PCDHGA7: variants seen among roughly 807,000 people sequenced by gnomAD.
The protein encoded by PCDHGA7 is protocadherin gamma-A7.
PCDHGA7 carries 44 observed loss-of-function variants against 58.3 expected under a neutral mutation model. The observed-to-expected ratio is 0.75, with a 90% CI of 0.59 to 0.97. PCDHGA7 has a LOEUF of 0.97. Among genes scored for constraint, PCDHGA7 ranks in the 50% least tolerant of loss-of-function variants. The pLI, the probability that PCDHGA7 is intolerant of heterozygous loss-of-function variation, is 0.00. For missense variants in PCDHGA7, 1,266 were observed against 1,188.7 expected (o/e 1.06, Z -0.96); for synonymous variants, 516 against 504.2 (o/e 1.02, Z -0.31).
rs751833387 is a variant in PCDHGA7 at position 141,385,224 on chromosome 5, T to G, written c.2325T>G (p.Tyr775Ter). 2 of 1,614,206 alleles carry G rather than the reference T, an allele frequency of 1.2e-6. No homozygotes were observed. Among genetic ancestry groups the G allele is most frequent in the Non-Finnish European group, 1.7e-6 (2 of 1,180,038 alleles). ...ACCTGATCTTCCCCCAGCCCAACTA[T>G]GTAGACATGCTCATCAGCCAGGAGA... ...KSHLIFPQPN[Y>*]VDMLISQESC... is the part of the protein sequence containing the mutation. The change falls in exon 1 of 4, where the codon TAT becomes TAG. Residue 775 changes from tyrosine to a stop codon, truncating the protein, a stop_gained. Coordinates refer to ENST00000518325, the MANE Select transcript of PCDHGA7 (RefSeq NM_018920.4). LOFTEE classifies it high-confidence loss of function.
rs200686404 is a variant in PCDHGA7 at position 141,477,185 on chromosome 5, G to A, written c.2425-17622G>A. On this transcript the variant is annotated intron_variant, in intron 1 of 3. Transcript: ENST00000518325. The surrounding 1 kb of genome is among the most constrained non-coding windows in gnomAD (Gnocchi z 4.9). ...CGCCCCGGAGATCACAGTCACCTCCGTGTACAGCCCAGTACCCGAGGATGC... is the reference window on the plus strand; with the variant it reads ...CGCCCCGGAGATCACAGTCACCTCCATGTACAGCCCAGTACCCGAGGATGC... 1.2e-6 allele frequency: 2 copies of A among 1,614,210 alleles called. No individual in the cohort carries two copies. Among genetic ancestry groups the A allele is most frequent in the South Asian group, 1.1e-5 (1 of 91,084 alleles).
chr5:141,450,092 C>T (rs761677942), intron 1 of PCDHGA7, among the ~76,000 whole-genome samples: 2 of 148,672 alleles, frequency 1.3e-5, no homozygotes, highest in Non-Finnish European at 3.0e-5. Flanking sequence ...CTGCAACCTC[C>T]GCCTCCCAGG....
chr5:141,500,367 C>A (rs953610460), intron 2 of PCDHGA7, among the ~76,000 whole-genome samples: 7 of 151,940 alleles, frequency 4.6e-5, no homozygotes, highest in African/African-American at 1.7e-4. Context: ...CACTACCACG[C>A]CCGGCTAATT....
Position 141,485,486 on chromosome 5 carries a change from C to A in PCDHGA7, c.2425-9321C>A. On this transcript the variant is annotated intron_variant, in intron 1 of 3. Transcript: ENST00000518325. This position sits in a 1 kb window ranked among gnomAD's most constrained non-coding sequence, Gnocchi z 5.7. Reference sequence around the variant, plus strand: ...TGGGCTCAGTGCCAGCTGCATCGTGCCCCTGGAGTTTGTCACCGAAGGTCC... The same window carrying A: ...TGGGCTCAGTGCCAGCTGCATCGTGACCCTGGAGTTTGTCACCGAAGGTCC... 6.2e-7 allele frequency: 1 copy of A among 1,614,104 alleles called. No individual in the cohort carries two copies.
At chr5:141,395,251 T>G (rs2093205315) in intron 1 of PCDHGA7, 2 of 1,557,062 alleles carry the variant, frequency 1.3e-6, no homozygotes, top group Non-Finnish European at 1.7e-6. Context: ...AGTTTAGTTC[T>G]TTGCTTGCTT....
chr5:141,474,188 T>C (rs1203777014), intron 1 of PCDHGA7, among the ~76,000 whole-genome samples: 1 of 152,216 alleles, frequency 6.6e-6, no homozygotes, highest in Non-Finnish European at 1.5e-5. Context: ...CTACTTACAT[T>C]TTTAAAAGCT....
chr5:141,480,827 A>G (rs1455065731), intron 1 of PCDHGA7, among the ~76,000 whole-genome samples: 2 of 152,212 alleles, frequency 1.3e-5, no homozygotes, highest in Admixed American at 6.5e-5. Context: ...TGGGTGGATC[A>G]TAAGATCAGG....
chr5:141,388,043 C>T (rs952133270), intron 1 of PCDHGA7: 6 of 1,412,324 alleles, frequency 4.2e-6, no homozygotes, highest in Middle Eastern at 5.0e-4. Flanking sequence ...TCGCCACGGA[C>T]CTGGGGTTCA....
In PCDHGA7 at chr5:141,486,748, T is replaced by C; in HGVS notation, c.2425-8059T>C. ...TTCATGCTACTCGATCCTTTGACTA[T>C]GAGCAAACCCAGACACTGCAGTTTG... is the stretch of plus-strand genomic sequence containing the variant. On this transcript the variant is annotated intron_variant, in intron 1 of 3. Coordinates refer to ENST00000518325, the MANE Select transcript of PCDHGA7 (RefSeq NM_018920.4). The surrounding 1 kb of genome is among the most constrained non-coding windows in gnomAD (Gnocchi z 5.0). 6.2e-7 allele frequency: 1 copy of C among 1,614,230 alleles called. No individual in the cohort carries two copies. The highest frequency in any genetic ancestry group is 8.5e-7 in the Non-Finnish European group (1 of 1,180,042).
intron 1 of PCDHGA7, chr5:141,421,138 G>T (rs2096548427): frequency 1.1e-6 from 1 of 899,466 alleles, no homozygotes. Context: ...ATATATTTTG[G>T]ATGTAGTCGG....
rs2099670287 is a variant in PCDHGA7, at chr5:141,487,983, TC to T, written c.2425-6822del. Among the ~76,000 whole-genome samples, 3 of 152,290 alleles carry T rather than the reference TC, an allele frequency of 2.0e-5. No individual in the cohort carries two copies. The South Asian group carries it at 6.2e-4, about 32-fold the overall frequency. ...CAAAGGTGGCTGTTTTCTCTACTCT[TC>T]CTGAAAGAGGGGATCAGATTCTGAA... On this transcript the variant is annotated intron_variant, in intron 1 of 3. Coordinates refer to ENST00000518325, the MANE Select transcript of PCDHGA7 (RefSeq NM_018920.4). This position sits in a 1 kb window ranked among gnomAD's most constrained non-coding sequence, Gnocchi z 5.0.
In PCDHGA7 at chr5:141,417,986, A is replaced by G. The variant is rs777967345; in HGVS notation, c.2424+32663A>G. On this transcript the variant is annotated intron_variant, in intron 1 of 3. Coordinates refer to ENST00000518325, the MANE Select transcript of PCDHGA7 (RefSeq NM_018920.4). ...CTACTCGATTCCGGAGGAGCTGGCC[A>G]AGGGCTCGGTGGTGGGGAACCTCGC... The G allele has an allele frequency of 9.9e-6, 16 of 1,613,490 alleles. No individual in the cohort carries two copies. Among genetic ancestry groups the G allele is most frequent in the Non-Finnish European group, 1.4e-5 (16 of 1,179,718 alleles).
chr5:141,383,319 A>G lies in PCDHGA7; in HGVS notation c.420A>G (p.Val140=), dbSNP rs778348189. ...VPRFLTEEIN[V]KIMENTAPGV... ...GATTCTTGACGGAAGAAATAAATGT[A>G]AAAATAATGGAGAATACAGCTCCTG... is the stretch of plus-strand genomic sequence containing the variant. The change falls in exon 1 of 4, where the codon GTA becomes GTG. Residue 140 remains valine (V), a synonymous_variant. Coordinates refer to ENST00000518325, the MANE Select transcript of PCDHGA7 (RefSeq NM_018920.4). 6.2e-7 allele frequency: 1 copy of G among 1,614,020 alleles called. No homozygotes were observed. The highest frequency in any genetic ancestry group is 8.5e-7 in the Non-Finnish European group (1 of 1,179,898).
rs777115265 is a variant in PCDHGA7, at chr5:141,485,247, G to C, written c.2425-9560G>C. ...CTTTTGTTCCTCTTTTACCACCTGG[G>C]TTACGTTTGTGGGCAGATCCGCTAC... On this transcript the variant is annotated intron_variant, in intron 1 of 3. Coordinates refer to ENST00000518325, the MANE Select transcript of PCDHGA7 (RefSeq NM_018920.4). This position sits in a 1 kb window ranked among gnomAD's most constrained non-coding sequence, Gnocchi z 5.7. 8.7e-6 allele frequency: 14 copies of C among 1,614,156 alleles called. No homozygotes were observed. In the African/African-American group the frequency reaches 1.6e-4, roughly 18 times the overall value.
At position 141,431,213 on chromosome 5, in the gene PCDHGA7, T is replaced by A; in HGVS notation, c.2424+45890T>A. 6.2e-7 allele frequency: 1 copy of A among 1,614,142 alleles called. No individual in the cohort carries two copies. The highest frequency in any genetic ancestry group is 8.5e-7 in the Non-Finnish European group (1 of 1,180,038). On this transcript the variant is annotated intron_variant, in intron 1 of 3. Coordinates refer to ENST00000518325, the MANE Select transcript of PCDHGA7 (RefSeq NM_018920.4). The surrounding 1 kb of genome is among the most constrained non-coding windows in gnomAD (Gnocchi z 4.8). ...TGAAAATGCAGCCACTGAGATGCGG[T>A]TCCCTCTACCCCACGCCTGGGATCC...
intron 1 of PCDHGA7, chr5:141,399,446 A>G (rs2093810942): frequency 6.2e-7 from 1 of 1,613,826 alleles, no homozygotes; most frequent in South Asian, 1.1e-5. Flanking sequence ...CATATCAGAG[A>G]CGTCAACGAT....
At chr5:141,423,558 G>A (rs770532900) in intron 1 of PCDHGA7, 1 of 1,613,462 alleles carries the variant, frequency 6.2e-7, no homozygotes, top group African/African-American at 1.3e-5. Flanking sequence ...CCAACTATGG[G>A]GACACGCTCA....
At chr5:141,502,483 G>A (rs773081419) in intron 2 of PCDHGA7, among the ~76,000 whole-genome samples, 42 of 152,144 alleles carry the variant, frequency 2.8e-4, no homozygotes, top group Non-Finnish European at 4.7e-4. Context: ...GCATCACACT[G>A]GGACTCATCT....
intron 1 of PCDHGA7, among the ~76,000 whole-genome samples, chr5:141,492,927 G>A (rs925569925): frequency 2.0e-5 from 3 of 152,180 alleles, no homozygotes; most frequent in Admixed American, 6.5e-5. Context: ...AGCGATCTAG[G>A]GTCAGAGATT....
Sources: gnomAD v4.1 joint callset for allele counts (sites outside exome capture counted in the v4.1 genomes callset) on GRCh38, gnomAD v4.1.1 for gene constraint, Gnocchi (gnomAD v3.1) non-coding constraint, MANE v1.5 for transcripts, NCBI Gene and HGNC (gene_info 2026-07-23, HGNC 2026-07-21) for gene names.